The following SFMBT2 variants were observed in gnomAD, a reference collection of about 807,000 sequenced individuals.
SFMBT2 encodes Scm like with four mbt domains 2, also known as scm-like with four MBT domains protein 2.
A neutral mutation model predicts 110.1 loss-of-function variants in SFMBT2; 38 were observed. The observed-to-expected ratio is 0.35, with a 90% CI of 0.27 to 0.45. SFMBT2 has a LOEUF of 0.45. Ranked by LOEUF, SFMBT2 falls within the 20% of genes least tolerant of loss-of-function variation. The probability of loss-of-function intolerance (pLI) is 1.00; values close to 1 mark genes in which losing one functional copy is unlikely to be tolerated. For missense variants in SFMBT2, 1,011 were observed against 1,094.9 expected (o/e 0.92, Z 1.08); for synonymous variants, 425 against 425.4 (o/e 1.00, Z 0.01).
At chr10:7,249,177 T>C (rs571993318) in intron 7 of SFMBT2, 4 of 401,276 alleles carry the variant, frequency 1.0e-5, no homozygotes, top group African/African-American at 6.5e-5. Context: ...CCCATGATCT[T>C]AGAGATGCCT....
chr10:7,377,286 G>C lies in SFMBT2; in HGVS notation c.100+4513C>G, dbSNP rs1229967610. ...TTTAGTCACTTGAGTGTAGTCACTTGCGAGGGAGACAGTAACACAGTGGTC... is the reference window on the plus strand; with the variant it reads ...TTTAGTCACTTGAGTGTAGTCACTTCCGAGGGAGACAGTAACACAGTGGTC... On this transcript the variant is annotated intron_variant, in intron 2 of 20. Transcript: ENST00000397167. Among the ~76,000 whole-genome samples the C allele has an allele frequency of 2.0e-5, 3 of 151,804 alleles. No homozygotes were observed. In the East Asian group the frequency reaches 5.8e-4, roughly 29 times the overall value.
chr10:7,286,830 C>G (rs1842105365), intron 4 of SFMBT2, among the ~76,000 whole-genome samples: 1 of 152,086 alleles, frequency 6.6e-6, no homozygotes, highest in Non-Finnish European at 1.5e-5. Context: ...TCCAAGCGCA[C>G]AGCACTGGGA....
intron 9 of SFMBT2, among the ~76,000 whole-genome samples, chr10:7,238,919 C>T (rs1840347341): frequency 6.6e-6 from 1 of 152,164 alleles, no homozygotes; most frequent in African/African-American, 2.4e-5. Flanking sequence ...GCCTGTGAAA[C>T]TGACTTGCTG....
chr10:7,299,703 T>C (rs1158410659), intron 4 of SFMBT2, among the ~76,000 whole-genome samples: 1 of 152,140 alleles, frequency 6.6e-6, no homozygotes, highest in South Asian at 2.1e-4. Flanking sequence ...GAACCAGAAA[T>C]ATCATTTGAC....
chr10:7,177,135 C>T (rs1838089798), intron 16 of SFMBT2, among the ~76,000 whole-genome samples: 1 of 152,162 alleles, frequency 6.6e-6, no homozygotes. Flanking sequence ...AAATCGAATC[C>T]TTTCTGAACA....
intron 4 of SFMBT2, among the ~76,000 whole-genome samples, chr10:7,337,235 C>G (rs956534396): frequency 6.6e-6 from 1 of 152,132 alleles, no homozygotes; most frequent in African/African-American, 2.4e-5. Flanking sequence ...TGTTCAAAGC[C>G]GCTGCTATTA....
intron 2 of SFMBT2, among the ~76,000 whole-genome samples, chr10:7,378,491 T>G (rs1235758359): frequency 1.6e-5 from 1 of 62,646 alleles, no homozygotes; most frequent in Non-Finnish European, 2.7e-5. Context: ...TGGGTGTGTG[T>G]GGGTGTATGT....
intron 2 of SFMBT2, among the ~76,000 whole-genome samples, chr10:7,377,355 T>C (rs554376210): frequency 2.2e-3 from 329 of 152,240 alleles, no homozygotes; most frequent in African/African-American, 7.2e-3. Context: ...GGAAGACAAT[T>C]AGGCACCGGT....
chr10:7,348,789 T>C (rs1844203615), intron 4 of SFMBT2, among the ~76,000 whole-genome samples: 1 of 152,222 alleles, frequency 6.6e-6, no homozygotes, highest in Non-Finnish European at 1.5e-5. Flanking sequence ...ACTTCTCCAA[T>C]ACAAACGCTG....
chr10:7,306,478 G>A (rs138436245), intron 4 of SFMBT2, among the ~76,000 whole-genome samples: 71 of 152,202 alleles, frequency 4.7e-4, no homozygotes, highest in African/African-American at 1.6e-3. Flanking sequence ...ACTGAGTAGC[G>A]GCAACAGGAA....
chr10:7,172,522 G>A lies in SFMBT2; in HGVS notation c.2124C>T (p.Ala708=), dbSNP rs200633892. The A allele has an allele frequency of 1.4e-4, 220 of 1,614,096 alleles. 1 individual carries two copies. The East Asian group carries it at 4.5e-3, about 33-fold the overall frequency. The change falls in exon 18 of 21, where the codon GCC becomes GCT. Residue 708 remains alanine, a synonymous_variant. Transcript: ENST00000397167. This position sits in a 1 kb window ranked among gnomAD's most constrained non-coding sequence, Gnocchi z 4.6. ...IFVQKKRRSS[A]VDFTAGSGEE... is the part of the protein sequence containing the mutation. The stretch of plus-strand genomic sequence containing the variant: ...CCCCCGAGCCCGCGGTGAAGTCCAC[G>A]GCAGAAGACCTCCGTTTCTTCTGCA...
At chr10:7,194,769 A>G (rs1838716221) in intron 15 of SFMBT2, among the ~76,000 whole-genome samples, 2 of 152,180 alleles carry the variant, frequency 1.3e-5, no homozygotes, top group African/African-American at 4.8e-5. Flanking sequence ...TTTTTCAAAC[A>G]TCAGCAAAAA....
Position 7,346,292 on chromosome 10 carries a change from C to T in SFMBT2, c.436+21357G>A, listed in dbSNP as rs144579923. Among the ~76,000 whole-genome samples, 186 of 152,190 alleles carry T rather than the reference C, an allele frequency of 1.2e-3. 1 individual carries two copies. The highest frequency in any genetic ancestry group is 9.5e-3 in the Admixed American group (145 of 15,290). ...GACACTTGTAGGATCTTTCTGACCC[C>T]GGTGTTCTAACATTTTATGATGCTG... On this transcript the variant is annotated intron_variant, in intron 4 of 20. Coordinates refer to ENST00000397167, the MANE Select transcript of SFMBT2 (RefSeq NM_001387889.1).
chr10:7,258,779 A>T (rs971339991), intron 7 of SFMBT2, among the ~76,000 whole-genome samples: 29 of 152,230 alleles, frequency 1.9e-4, no homozygotes, highest in African/African-American at 7.0e-4. Context: ...TACTAGTTTC[A>T]TTGAAAAACA....
At chr10:7,335,479 G>A (rs997864848) in intron 4 of SFMBT2, among the ~76,000 whole-genome samples, 5 of 151,752 alleles carry the variant, frequency 3.3e-5, no homozygotes, top group Admixed American at 1.3e-4. Flanking sequence ...CTGCACCCCC[G>A]GTTGCTATGG....
At chr10:7,227,384 G>A (rs1326315995) in intron 10 of SFMBT2, among the ~76,000 whole-genome samples, 1 of 152,228 alleles carries the variant, frequency 6.6e-6, no homozygotes, top group African/African-American at 2.4e-5. Flanking sequence ...AGCAAGTCCA[G>A]GCAGGACCCA....
In SFMBT2 at chr10:7,382,025, T is replaced by A. The variant is rs563791769; in HGVS notation, c.-51-76A>T. On this transcript the variant is annotated intron_variant, in intron 1 of 20. Transcript: ENST00000397167. ...ATATTCACTTATTTTTAATTTTGTT[T>A]AAAAAAAACCTTATTAGTGCCACTA... The A allele has an allele frequency of 1.5e-3, 1,185 of 787,594 alleles. 11 individuals carry two copies. Among genetic ancestry groups the A allele is most frequent in the African/African-American group, 0.014 (791 of 56,790 alleles). The allele number at this position is 787,594 out of a possible 1,614,324, so 48.8% of individuals were successfully genotyped here.
rs1296161489 is a variant in SFMBT2, at chr10:7,367,790, T to C, written c.295A>G (p.Thr99Ala). The C allele has an allele frequency of 1.2e-6, 2 of 1,614,164 alleles. No individual in the cohort carries two copies. Among genetic ancestry groups the C allele is most frequent in the Non-Finnish European group, 1.7e-6 (2 of 1,180,032 alleles). The change falls in exon 4 of 21, where the codon ACG (threonine) becomes GCG (alanine). Residue 99 changes from threonine to alanine, a missense_variant. Physicochemically the swap from Thr to Ala is moderately conservative, Grantham distance 58. Coordinates refer to ENST00000397167, the MANE Select transcript of SFMBT2 (RefSeq NM_001387889.1). This position sits in a 1 kb window ranked among gnomAD's most constrained non-coding sequence, Gnocchi z 6.2. ...DTYWVATIIT[T>A]CGQLLLLRYC... ...CGCAGAAGCAGCAGCTGCCCGCACG[T>C]GGTAATGATCGTGGCCACCCAGTAC...
intron 10 of SFMBT2, among the ~76,000 whole-genome samples, chr10:7,224,458 G>T (rs963211796): frequency 1.3e-5 from 2 of 152,092 alleles, no homozygotes; most frequent in African/African-American, 4.8e-5. Context: ...TTGTAATATG[G>T]TTCATCAGGC....
Sources: gnomAD v4.1 joint callset for allele counts (sites outside exome capture counted in the v4.1 genomes callset) on GRCh38, gnomAD v4.1.1 for gene constraint, Gnocchi (gnomAD v3.1) non-coding constraint, MANE v1.5 for transcripts, NCBI Gene and HGNC (gene_info 2026-07-23, HGNC 2026-07-21) for gene names.